The following USH2A variants were observed in gnomAD, a reference collection of about 807,000 sequenced individuals.
USH2A encodes Usher syndrome 2A (autosomal recessive, mild).
USH2A carries 443 observed loss-of-function variants against 538.9 expected under a neutral mutation model. The ratio of observed to expected loss-of-function variants is 0.82; its 90% CI spans 0.76 to 0.89. The LOEUF (loss-of-function observed/expected upper bound fraction) is 0.89. Ranked by LOEUF, USH2A falls within the 40% of genes least tolerant of loss-of-function variation. The pLI is 0.00. For synonymous variants in USH2A, 2,413 were observed against 2,273.5 expected, an observed-to-expected ratio of 1.06 and a Z score of -1.75; for missense variants, 6,633 against 6,324.8, an observed-to-expected ratio of 1.05 and a Z score of -1.65.
At chr1:215,968,365 G>A (rs897754003) in intron 36 of USH2A, among the ~76,000 whole-genome samples, 3 of 151,522 alleles carry the variant, frequency 2.0e-5, no homozygotes, top group African/African-American at 7.3e-5. Flanking sequence ...TGTTTATTTT[G>A]TTTTGTTTTT....
At chr1:215,724,059 T>C (rs1200268663) in intron 61 of USH2A, among the ~76,000 whole-genome samples, 4 of 143,806 alleles carry the variant, frequency 2.8e-5, no homozygotes, top group African/African-American at 7.6e-5. Context: ...GATGATTGCA[T>C]AAACAGAATG....
chr1:216,044,334 T>C (rs1232779614), intron 32 of USH2A, among the ~76,000 whole-genome samples: 1 of 152,158 alleles, frequency 6.6e-6, no homozygotes, highest in Non-Finnish European at 1.5e-5. Flanking sequence ...CAGAAGTGCT[T>C]TGTATGTTAA....
chr1:215,688,815 TG>T (rs975985600), intron 61 of USH2A, among the ~76,000 whole-genome samples: 1 of 152,040 alleles, frequency 6.6e-6, no homozygotes, highest in African/African-American at 2.4e-5. Flanking sequence ...ACAGTCACCT[TG>T]GGGGTTAGGG....
chr1:216,204,498 G>C (rs952933524), intron 16 of USH2A: 1 of 152,084 alleles, frequency 6.6e-6, no homozygotes, highest in Non-Finnish European at 1.5e-5. Flanking sequence ...AGGAAAATAT[G>C]TCTTAGAGAA....
chr1:216,073,134 C>T lies in USH2A; in HGVS notation c.5739G>A (p.Glu1913=), dbSNP rs41277216. ...GGAGACCACCCTCGTAAACACTCTGCTCTTTTCCCTGGTAAACCAGGATGG... is the reference window on the plus strand; with the variant it reads ...GGAGACCACCCTCGTAAACACTCTGTTCTTTTCCCTGGTAAACCAGGATGG... The part of the protein sequence containing the change: ...NDSILVYQGK[E]QSVYEGGLQP... Residue 1913 remains glutamate (E), a synonymous_variant, in exon 28 of 72, where the codon GAG becomes GAA. Transcript: ENST00000307340. The T allele has an allele frequency of 3.2e-5, 52 of 1,613,894 alleles. No homozygotes were observed. The Middle Eastern group carries it at 5.0e-4, about 15-fold the overall frequency.
At chr1:215,916,768 C>T (rs768452606) in intron 38 of USH2A, among the ~76,000 whole-genome samples, 68 of 151,944 alleles carry the variant, frequency 4.5e-4, no homozygotes, top group Non-Finnish European at 7.8e-4. Context: ...AAAAAGACAC[C>T]ACTGAATACT....
chr1:215,686,810 T>C lies in USH2A; in HGVS notation c.12067-6434A>G, dbSNP rs112252895. Among the ~76,000 whole-genome samples the C allele has an allele frequency of 7.9e-3, 1,198 of 152,232 alleles. 14 individuals are homozygous for C. The highest frequency in any genetic ancestry group is 0.012 in the Non-Finnish European group (842 of 67,998). On this transcript the variant is annotated intron_variant, in intron 61 of 71. Coordinates refer to ENST00000307340, the MANE Select transcript of USH2A (RefSeq NM_206933.4). ...CATTTGCACAAGGTAATAGGAAAAG[T>C]ATTTTCTTAGAAAAAAGATTTAAAA...
chr1:216,411,077 T>G (rs2039481624), intron 3 of USH2A, among the ~76,000 whole-genome samples: 1 of 151,614 alleles, frequency 6.6e-6, no homozygotes. Flanking sequence ...TTCAATAGAG[T>G]TCCATTTAAA....
At position 215,674,563 on chromosome 1, in the gene USH2A, G is replaced by A. The variant is rs141696914; in HGVS notation, c.13348C>T (p.Pro4450Ser). 4.3e-6 allele frequency: 7 copies of A among 1,614,126 alleles called. No individual in the cohort carries two copies. The Admixed American group carries it at 1.2e-4, about 27-fold the overall frequency. ...MEALPENMDS[P>S]TLQVTGSESI... ...TCTGAGCCTGTGACTTGCAATGTTG[G>A]AGAGTCCATGTTCTCTGGCAGGGCC... Residue 4450 changes from proline to serine, a missense_variant, in exon 63 of 72, where the codon CCA becomes TCA. Pro to Ser is a moderately conservative substitution (Grantham distance 74, BLOSUM62 -1). Coordinates refer to ENST00000307340, the MANE Select transcript of USH2A (RefSeq NM_206933.4).
In USH2A at chr1:216,277,451, C is replaced by A. The variant is rs544755065; in HGVS notation, c.1971+11829G>T. Among the ~76,000 whole-genome samples the A allele has an allele frequency of 5.9e-5, 9 of 152,246 alleles. No individual in the cohort carries two copies. The South Asian group carries it at 1.9e-3, about 32-fold the overall frequency. Reference sequence around the variant, plus strand: ...GGGTCCACCTCCAAGCAGGTAGTCCCACCAATATTAATGGCTTGGCACCCC... The same window carrying A: ...GGGTCCACCTCCAAGCAGGTAGTCCAACCAATATTAATGGCTTGGCACCCC... On this transcript the variant is annotated intron_variant, in intron 11 of 71. Coordinates refer to ENST00000307340, the MANE Select transcript of USH2A (RefSeq NM_206933.4).
chr1:215,681,183 A>G (rs1448238164), intron 61 of USH2A, among the ~76,000 whole-genome samples: 2 of 152,268 alleles, frequency 1.3e-5, no homozygotes, highest in African/African-American at 2.4e-5. Flanking sequence ...CATATTTGGC[A>G]TAACTAAACT....
At chr1:215,641,333 A>G (rs2102636856) in intron 67 of USH2A, among the ~76,000 whole-genome samples, 1 of 152,318 alleles carries the variant, frequency 6.6e-6, no homozygotes, top group African/African-American at 2.4e-5. Flanking sequence ...GCAAACAGTA[A>G]TTCAAGTATA....
intron 21 of USH2A, among the ~76,000 whole-genome samples, chr1:216,166,667 C>A (rs185412236): frequency 6.6e-6 from 1 of 152,096 alleles, no homozygotes; most frequent in Admixed American, 6.5e-5. Context: ...GTTCAAGTGC[C>A]AATTCAAGGA....
intron 61 of USH2A, among the ~76,000 whole-genome samples, chr1:215,697,128 T>TG (rs1658840530): frequency 1.3e-5 from 2 of 151,280 alleles, no homozygotes; most frequent in Admixed American, 1.3e-4. Flanking sequence ...AATTTTTTTT[T>TG]TTGTATTTTT....
chr1:216,190,076 G>A, intron 20 of USH2A, 147 bp downstream of exon 20: 1 of 1,163,566 alleles, frequency 8.6e-7, no homozygotes, highest in Non-Finnish European at 1.2e-6. Context: ...GGTTGTTGTT[G>A]TTTAAAACTG....
chr1:215,694,431 G>A (rs1658730631), intron 61 of USH2A, among the ~76,000 whole-genome samples: 1 of 152,090 alleles, frequency 6.6e-6, no homozygotes, highest in Admixed American at 6.6e-5. Flanking sequence ...AAATTAGACG[G>A]GCGTGGTTGC....
chr1:215,673,948 T>C lies in USH2A; in HGVS notation c.13811+152A>G, dbSNP rs1052583273. The C allele has an allele frequency of 7.5e-6, 10 of 1,330,936 alleles. No individual in the cohort carries two copies. The East Asian group carries it at 1.2e-4, about 16-fold the overall frequency. The allele number at this position is 1,330,936 out of a possible 1,614,324, so 82.4% of individuals were successfully genotyped here. A position where few individuals can be genotyped will look rare whatever the true frequency, so the allele number is the denominator to read the frequency against. ...CAAGCAGGCTTTGCTTGGGTGAGGA[T>C]GTGCTTTGTCTACTATGCACGTTTA... On this transcript the variant is annotated intron_variant, in intron 63 of 71. Coordinates refer to ENST00000307340, the MANE Select transcript of USH2A (RefSeq NM_206933.4).
intron 32 of USH2A, among the ~76,000 whole-genome samples, chr1:216,004,983 A>G (rs1290088364): frequency 6.6e-6 from 1 of 152,274 alleles, no homozygotes; most frequent in East Asian, 1.9e-4. Context: ...AATGAAGAAA[A>G]CAAGACCATT....
intron 30 of USH2A, among the ~76,000 whole-genome samples, chr1:216,063,938 T>C (rs1373819517): frequency 6.6e-6 from 1 of 152,206 alleles, no homozygotes; most frequent in African/African-American, 2.4e-5. Flanking sequence ...TATACATGCA[T>C]TTACAAAAGA....
Sources: allele counts gnomAD v4.1 joint callset (sites outside exome capture counted in the v4.1 genomes callset), GRCh38; gene constraint gnomAD v4.1.1; transcripts MANE v1.5; gene names NCBI Gene and HGNC (gene_info 2026-07-23, HGNC 2026-07-21).